PRICKLE2: variants seen among roughly 807,000 people sequenced by gnomAD.
PRICKLE2 encodes the protein prickle-like protein 2.
A neutral mutation model predicts 81.4 loss-of-function variants in PRICKLE2; 21 were observed. That is an observed-to-expected ratio of 0.26 (90% CI 0.18 to 0.37). The LOEUF is 0.37. Among genes scored for constraint, PRICKLE2 ranks in the 10% least tolerant of loss-of-function variants. PRICKLE2 has a pLI of 1.00. For missense variants in PRICKLE2, 940 were observed against 1,109.0 expected (o/e 0.85, Z 2.16); for synonymous variants, 456 against 421.5 (o/e 1.08, Z -1.00).
rs1205346864 is a variant in PRICKLE2, at chr3:64,099,045, A to G, written c.*6T>C. The G allele has an allele frequency of 3.1e-6, 5 of 1,614,004 alleles. No individual in the cohort carries two copies. The African/African-American group carries it at 5.3e-5, about 17-fold the overall frequency. On this transcript the variant is annotated 3_prime_UTR_variant, in exon 8 of 8. Transcript: ENST00000638394. This position sits in a 1 kb window ranked among gnomAD's most constrained non-coding sequence, Gnocchi z 4.3. ...CATCTTCTCCCATTCCCTGATCCCAATCATATTAAGAAATGATACAGTTTT... is the reference window on the plus strand; with the variant it reads ...CATCTTCTCCCATTCCCTGATCCCAGTCATATTAAGAAATGATACAGTTTT...
chr3:64,224,532 T>G (rs996888302), intron 1 of PRICKLE2, among the ~76,000 whole-genome samples: 3 of 152,200 alleles, frequency 2.0e-5, no homozygotes, highest in Non-Finnish European at 4.4e-5. Context: ...CCCCTAATGG[T>G]TTCTGACATC....
At chr3:64,179,037 TTTC>T in intron 2 of PRICKLE2, among the ~76,000 whole-genome samples, 1 of 144,376 alleles carries the variant, frequency 6.9e-6, no homozygotes, top group South Asian at 2.2e-4. Flanking sequence ...CTTTCTTTCT[TTTC>T]TTTCCTTCTT....
chr3:64,114,038 A>T (rs1575551427), intron 7 of PRICKLE2, among the ~76,000 whole-genome samples: 1 of 152,168 alleles, frequency 6.6e-6, no homozygotes, highest in African/African-American at 2.4e-5. Flanking sequence ...GCAGAGCCAG[A>T]TAACAAAGCT....
chr3:64,194,027 A>T (rs2078401220), intron 2 of PRICKLE2, among the ~76,000 whole-genome samples: 1 of 152,194 alleles, frequency 6.6e-6, no homozygotes, highest in Non-Finnish European at 1.5e-5. Flanking sequence ...ATTGTGAGTG[A>T]TTTTTATTTG....
At chr3:64,256,346 T>A (rs3911779) in intron 2 of PRICKLE2, among the ~76,000 whole-genome samples, 19,431 of 152,220 alleles carry the variant, frequency 0.13, 1,402 homozygotes, top group East Asian at 0.21. Flanking sequence ...GAGACCTGTA[T>A]TTCGGAAAGG....
intron 2 of PRICKLE2, among the ~76,000 whole-genome samples, chr3:64,234,190 G>A (rs1203504489): frequency 6.6e-6 from 1 of 152,018 alleles, no homozygotes; most frequent in African/African-American, 2.4e-5. Flanking sequence ...ATCTAGTAGT[G>A]GGATTGCTGG....
Position 64,158,549 on chromosome 3 carries a change from C to T in PRICKLE2, c.397-1184G>A, listed in dbSNP as rs76069297. On this transcript the variant is annotated intron_variant, in intron 4 of 7. Coordinates refer to ENST00000638394, the MANE Select transcript of PRICKLE2 (RefSeq NM_198859.4). ...GTCAAACTTATGAAAGCTCTTTCTG[C>T]CTTCACACTCTTGGCACTATTCTAC... is the stretch of plus-strand genomic sequence containing the variant. 3.1e-3 allele frequency among the ~76,000 whole-genome samples: 472 copies of T among 152,290 alleles called. 1 individual carries two copies. The highest frequency in any genetic ancestry group is 0.011 in the African/African-American group (443 of 41,558).
At chr3:64,100,186 TC>T (rs1270915763) in intron 7 of PRICKLE2, 1 of 521,560 alleles carries the variant, frequency 1.9e-6, no homozygotes, top group African/African-American at 1.9e-5. Context: ...CAAAGGCTCA[TC>T]AAAGTTACTA....
intron 2 of PRICKLE2, among the ~76,000 whole-genome samples, chr3:64,232,796 C>T (rs1301445277): frequency 6.6e-6 from 1 of 152,168 alleles, no homozygotes; most frequent in Non-Finnish European, 1.5e-5. Flanking sequence ...ACAATCTGCT[C>T]CATCTGTAGT....
At chr3:64,123,812 C>G (rs1053895231) in intron 7 of PRICKLE2, among the ~76,000 whole-genome samples, 9 of 152,278 alleles carry the variant, frequency 5.9e-5, no homozygotes, top group African/African-American at 2.2e-4. Context: ...CACTGACCCA[C>G]CATTCCCCCA....
intron 7 of PRICKLE2, chr3:64,102,915 A>C (rs1434903615): frequency 1.3e-5 from 2 of 152,240 alleles, no homozygotes; most frequent in Non-Finnish European, 2.9e-5. Flanking sequence ...TAAATGGCCC[A>C]GATGGATGCA....
At chr3:64,194,111 T>A (rs2078403311) in intron 2 of PRICKLE2, 1 of 152,208 alleles carries the variant, frequency 6.6e-6, no homozygotes, top group African/African-American at 2.4e-5. Context: ...GAGGAAAAAG[T>A]TCTTTTTGGT....
intron 1 of PRICKLE2, among the ~76,000 whole-genome samples, chr3:64,216,800 G>A (rs959377581): frequency 1.3e-5 from 2 of 152,152 alleles, no homozygotes; most frequent in African/African-American, 4.8e-5. Flanking sequence ...AGAGGAGCAC[G>A]TGAATTCTTT....
chr3:64,189,277 A>G (rs1238561745), intron 2 of PRICKLE2, among the ~76,000 whole-genome samples: 3 of 152,200 alleles, frequency 2.0e-5, no homozygotes, highest in African/African-American at 7.2e-5. Flanking sequence ...TGCTTCCTGC[A>G]GTGGTGGGGA....
At chr3:64,111,687 A>C (rs758591049) in intron 7 of PRICKLE2, among the ~76,000 whole-genome samples, 1 of 152,238 alleles carries the variant, frequency 6.6e-6, no homozygotes, top group African/African-American at 2.4e-5. Context: ...AGTATATCCC[A>C]TTTATAGAAA....
At chr3:64,181,777 T>G (rs2078139371) in intron 2 of PRICKLE2, among the ~76,000 whole-genome samples, 1 of 152,166 alleles carries the variant, frequency 6.6e-6, no homozygotes, top group Non-Finnish European at 1.5e-5. Context: ...TGATTTTGTT[T>G]TAAAGAGAAA....
intron 2 of PRICKLE2, among the ~76,000 whole-genome samples, chr3:64,252,335 C>G (rs2079459831): frequency 6.6e-6 from 1 of 152,180 alleles, no homozygotes; most frequent in African/African-American, 2.4e-5. Flanking sequence ...AGCTTGGTCA[C>G]CACTGACTAT....
intron 2 of PRICKLE2, among the ~76,000 whole-genome samples, chr3:64,264,206 G>A (rs1397776414): frequency 6.6e-6 from 1 of 152,088 alleles, no homozygotes; most frequent in Non-Finnish European, 1.5e-5. Context: ...TGTGTCTCAG[G>A]GGAGTTACCA....
chr3:64,144,839 G>C (rs945436691), intron 7 of PRICKLE2, among the ~76,000 whole-genome samples: 1 of 152,124 alleles, frequency 6.6e-6, no homozygotes, highest in African/African-American at 2.4e-5. Context: ...AGACAAGCCT[G>C]CTGAAAACGC....
Sources: allele counts gnomAD v4.1 joint callset (sites outside exome capture counted in the v4.1 genomes callset), GRCh38; gene constraint gnomAD v4.1.1; non-coding constraint Gnocchi (gnomAD v3.1); transcripts MANE v1.5; gene names NCBI Gene and HGNC (gene_info 2026-07-23, HGNC 2026-07-21).